FGF14: variants seen among roughly 807,000 people sequenced by gnomAD.
FGF14 encodes fibroblast growth factor 14, also known as fibroblast growth factor homologous factor 4.
Under a neutral mutation model 25.5 loss-of-function variants are expected in FGF14, and 5 were observed. The ratio of observed to expected loss-of-function variants is 0.20; its 90% CI spans 0.10 to 0.41. FGF14 has a LOEUF of 0.41. FGF14 is among the 10% of genes least tolerant of loss of function. The pLI is 1.00. For synonymous variants in FGF14, 138 were observed against 118.3 expected, an observed-to-expected ratio of 1.17 and a Z score of -1.08; for missense variants, 222 against 320.1, an observed-to-expected ratio of 0.69 and a Z score of 2.34.
At chr13:102,222,928 G>A (rs553476978) in intron 1 of FGF14, among the ~76,000 whole-genome samples, 2 of 152,256 alleles carry the variant, frequency 1.3e-5, no homozygotes, top group South Asian at 2.1e-4. Context: ...CCCTACTTAG[G>A]AGAAAATGGA....
At chr13:101,917,033 G>C (rs1235635112), upstream of FGF14, among the ~76,000 whole-genome samples, 1 of 151,540 alleles carries the variant, frequency 6.6e-6, no homozygotes, top group Non-Finnish European at 1.5e-5. Context: ...CCCGGCTCCC[G>C]GGCGGGAGGT....
intron 1 of FGF14, among the ~76,000 whole-genome samples, chr13:101,958,278 CA>C (rs1219642877): frequency 6.6e-6 from 1 of 152,178 alleles, no homozygotes; most frequent in Non-Finnish European, 1.5e-5. Context: ...AGAAGTTAAC[CA>C]AAAGTGACCC....
intron 3 of FGF14, among the ~76,000 whole-genome samples, chr13:101,784,996 T>C (rs1416559218): frequency 6.6e-6 from 1 of 152,184 alleles, no homozygotes; most frequent in East Asian, 1.9e-4. Context: ...GCTTTATTTA[T>C]ACTGTTCCAC....
At chr13:102,018,623 C>T (rs536517108) in intron 1 of FGF14, among the ~76,000 whole-genome samples, 15 of 151,568 alleles carry the variant, frequency 9.9e-5, no homozygotes, top group African/African-American at 3.4e-4. Context: ...GCCCTGAGGT[C>T]TCTTCTTCTT....
At chr13:102,344,935 C>T (rs7982217) in intron 1 of FGF14, among the ~76,000 whole-genome samples, 1 of 152,080 alleles carries the variant, frequency 6.6e-6, no homozygotes, top group Non-Finnish European at 1.5e-5. Context: ...TGGGAAACCA[C>T]GCTGTTGAAG....
chr13:102,163,571 G>A (rs1181249463), intron 1 of FGF14, among the ~76,000 whole-genome samples: 1 of 152,140 alleles, frequency 6.6e-6, no homozygotes, highest in African/African-American at 2.4e-5. Flanking sequence ...GCACCAACTA[G>A]GATTGAAATC....
intron 1 of FGF14, among the ~76,000 whole-genome samples, chr13:101,879,460 T>A (rs1032265326): frequency 5.3e-5 from 8 of 152,228 alleles, no homozygotes; most frequent in African/African-American, 1.9e-4. Flanking sequence ...ACAACATTTT[T>A]AATTAAAACA....
intron 1 of FGF14, among the ~76,000 whole-genome samples, chr13:101,969,359 C>T (rs942085222): frequency 5.3e-5 from 8 of 152,026 alleles, no homozygotes; most frequent in Non-Finnish European, 1.0e-4. Flanking sequence ...GTCAGGAGAT[C>T]GAGACCATCC....
chr13:102,183,181 A>T (rs1370978955), intron 1 of FGF14, among the ~76,000 whole-genome samples: 1 of 152,160 alleles, frequency 6.6e-6, no homozygotes, highest in East Asian at 1.9e-4. Flanking sequence ...TAGAAAAATA[A>T]ATATTTGCCT....
At chr13:101,758,550 T>C (rs1022719495) in intron 3 of FGF14, among the ~76,000 whole-genome samples, 6 of 152,202 alleles carry the variant, frequency 3.9e-5, no homozygotes, top group Non-Finnish European at 8.8e-5. Flanking sequence ...ATGGTAACTA[T>C]GTGGACCTAG....
intron 3 of FGF14, among the ~76,000 whole-genome samples, chr13:101,819,929 G>C (rs1410189550): frequency 6.6e-6 from 1 of 152,058 alleles, no homozygotes; most frequent in Non-Finnish European, 1.5e-5. Context: ...TGTGTAATTA[G>C]AAAAAAGGAT....
chr13:102,354,840 G>T (rs1005003079), intron 1 of FGF14, among the ~76,000 whole-genome samples: 2 of 151,986 alleles, frequency 1.3e-5, no homozygotes, highest in Non-Finnish European at 2.9e-5. Flanking sequence ...TCTCTCTTTG[G>T]AGAGAAAGTG....
chr13:102,147,743 AG>A (rs1033559689), intron 1 of FGF14, among the ~76,000 whole-genome samples: 2 of 152,152 alleles, frequency 1.3e-5, no homozygotes, highest in Non-Finnish European at 2.9e-5. Context: ...GTGGTAGAAA[AG>A]GGGCTGAAAG....
intron 3 of FGF14, among the ~76,000 whole-genome samples, chr13:101,778,577 C>T (rs1043900709): frequency 6.6e-6 from 1 of 152,158 alleles, no homozygotes; most frequent in African/African-American, 2.4e-5. Flanking sequence ...TGGTCACTGG[C>T]TGTAACATCC....
chr13:101,921,715 G>T (rs531278844), upstream of FGF14, among the ~76,000 whole-genome samples: 1 of 152,092 alleles, frequency 6.6e-6, no homozygotes, highest in Non-Finnish European at 1.5e-5. Context: ...TCTGCCTTCA[G>T]TTGTTCTCTG....
At chr13:101,747,403 A>G (rs1022391351) in intron 3 of FGF14, among the ~76,000 whole-genome samples, 3 of 152,062 alleles carry the variant, frequency 2.0e-5, no homozygotes, top group Admixed American at 1.3e-4. Context: ...AAGAAAAGTT[A>G]CAAAATGCTA....
chr13:101,756,927 T>C (rs1196783798), intron 3 of FGF14, among the ~76,000 whole-genome samples: 1 of 152,212 alleles, frequency 6.6e-6, no homozygotes, highest in African/African-American at 2.4e-5. Context: ...AATACATAAA[T>C]ATTACTTGTA....
At chr13:102,195,148 A>C (rs1444266204) in intron 1 of FGF14, among the ~76,000 whole-genome samples, 1 of 152,234 alleles carries the variant, frequency 6.6e-6, no homozygotes, top group African/African-American at 2.4e-5. Context: ...GACAATAGAC[A>C]ATAAATAGAA....
At chr13:101,914,344 T>A (rs961074894) in intron 1 of FGF14, among the ~76,000 whole-genome samples, 1 of 151,800 alleles carries the variant, frequency 6.6e-6, no homozygotes, top group African/African-American at 2.4e-5. Context: ...AAGAGATATA[T>A]CTGTATTTTT....
Sources: allele counts gnomAD v4.1 joint callset (sites outside exome capture counted in the v4.1 genomes callset), GRCh38; gene constraint gnomAD v4.1.1; transcripts MANE v1.5; gene names NCBI Gene and HGNC (gene_info 2026-07-23, HGNC 2026-07-21).